The following AGBL1 variants were observed in gnomAD, a reference collection of about 807,000 sequenced individuals.
AGBL1 encodes the protein AGBL carboxypeptidase 1.
A neutral mutation model predicts 118.9 loss-of-function variants in AGBL1; 130 were observed. The ratio of observed to expected loss-of-function variants is 1.09; its 90% CI spans 0.95 to 1.26. AGBL1 has a LOEUF of 1.26. AGBL1 is among the 50% of genes most tolerant of loss of function. The probability of loss-of-function intolerance (pLI) is 0.00; values close to 1 mark genes in which losing one functional copy is unlikely to be tolerated. For synonymous variants in AGBL1, 555 were observed against 478.9 expected, an observed-to-expected ratio of 1.16 and a Z score of -2.08; for missense variants, 1,584 against 1,298.1, an observed-to-expected ratio of 1.22 and a Z score of -3.38.
intron 6 of AGBL1, among the ~76,000 whole-genome samples, chr15:86,231,111 A>G (rs1348894538): frequency 6.6e-6 from 1 of 152,206 alleles, no homozygotes; most frequent in Non-Finnish European, 1.5e-5. Flanking sequence ...TATTTCAGAG[A>G]ACTAACCATA....
rs139660790 is a variant in AGBL1, at chr15:86,234,926, G to A, written c.526+9975G>A. On this transcript the variant is annotated intron_variant, in intron 6 of 22. Transcript: ENST00000614907. ...AAATTTGTCTCCCAAGATCTTCCCC[G>A]AGGGTTGAATGATATCTGGTTGTTT... Among the ~76,000 whole-genome samples, 356 of 152,282 alleles carry A rather than the reference G, an allele frequency of 2.3e-3. 2 individuals are homozygous for A. The highest frequency in any genetic ancestry group is 8.3e-3 in the African/African-American group (346 of 41,564).
chr15:86,905,784 G>C (rs752203540), intron 22 of AGBL1, among the ~76,000 whole-genome samples: 1 of 152,108 alleles, frequency 6.6e-6, no homozygotes, highest in African/African-American at 2.4e-5. Flanking sequence ...AGGCTCCCAG[G>C]GTTCTCAATG....
chr15:86,520,733 C>G (rs1220632213), intron 18 of AGBL1, among the ~76,000 whole-genome samples: 4 of 152,116 alleles, frequency 2.6e-5, no homozygotes, highest in African/African-American at 9.7e-5. Flanking sequence ...AAAAACAAAT[C>G]CCCAGTGTTG....
intron 18 of AGBL1, among the ~76,000 whole-genome samples, chr15:86,463,758 G>A (rs1420550796): frequency 6.6e-5 from 10 of 152,076 alleles, no homozygotes; most frequent in African/African-American, 9.7e-5. Context: ...GTAGAAGTGC[G>A]GCATTTTTTC....
intron 17 of AGBL1, among the ~76,000 whole-genome samples, chr15:86,325,779 A>G (rs544450493): frequency 6.6e-6 from 1 of 152,156 alleles, no homozygotes; most frequent in Non-Finnish European, 1.5e-5. Context: ...ATAGGTTGCT[A>G]TTTTTCCAAC....
chr15:86,337,879 C>T (rs1204940316), intron 17 of AGBL1, among the ~76,000 whole-genome samples: 1 of 151,946 alleles, frequency 6.6e-6, no homozygotes, highest in Non-Finnish European at 1.5e-5. Context: ...AAAAAATGCA[C>T]TTAAAAATAA....
intron 21 of AGBL1, among the ~76,000 whole-genome samples, chr15:86,643,664 T>C (rs2085228209): frequency 6.6e-6 from 1 of 152,152 alleles, no homozygotes; most frequent in African/African-American, 2.4e-5. Context: ...TAGTTTGACA[T>C]TTTTTAAATA....
chr15:86,612,912 A>G (rs984430234), intron 21 of AGBL1, among the ~76,000 whole-genome samples: 1 of 152,162 alleles, frequency 6.6e-6, no homozygotes, highest in Non-Finnish European at 1.5e-5. Context: ...CTTTCGACCA[A>G]TTGACAATCA....
At chr15:86,959,270 G>A (rs998971018) in intron 23 of AGBL1, among the ~76,000 whole-genome samples, 8 of 151,988 alleles carry the variant, frequency 5.3e-5, no homozygotes, top group African/African-American at 9.7e-5. Context: ...TTGATTAAAG[G>A]TATTTTAATA....
At chr15:86,328,316 G>A (rs551143613) in intron 17 of AGBL1, among the ~76,000 whole-genome samples, 2 of 152,252 alleles carry the variant, frequency 1.3e-5, no homozygotes, top group South Asian at 4.1e-4. Flanking sequence ...GAGAAATGGA[G>A]AGAGAACGAT....
intron 22 of AGBL1, among the ~76,000 whole-genome samples, chr15:86,797,360 A>G (rs1372016178): frequency 2.0e-5 from 3 of 152,208 alleles, no homozygotes; most frequent in African/African-American, 4.8e-5. Context: ...CTGTGTCTTC[A>G]TGCTCTAAGA....
chr15:86,845,480 T>C (rs1233088795), intron 22 of AGBL1, among the ~76,000 whole-genome samples: 1 of 152,292 alleles, frequency 6.6e-6, no homozygotes, highest in East Asian at 1.9e-4. Flanking sequence ...ATCCTTTTTT[T>C]AATGCTTTGC....
At chr15:86,249,241 G>A (rs1294577725) in intron 7 of AGBL1, among the ~76,000 whole-genome samples, 1 of 152,064 alleles carries the variant, frequency 6.6e-6, no homozygotes, top group African/African-American at 2.4e-5. Flanking sequence ...CTCTGGATTA[G>A]GCCACCTCTG....
At chr15:86,989,542 TA>T (rs2081317887) in intron 24 of AGBL1, among the ~76,000 whole-genome samples, 1 of 152,208 alleles carries the variant, frequency 6.6e-6, no homozygotes, top group South Asian at 2.1e-4. Flanking sequence ...AAATATTTTC[TA>T]AAATGAGGCC....
chr15:86,771,163 AGACTAAGTTGTTAT>A (rs1402883946), intron 22 of AGBL1, among the ~76,000 whole-genome samples: 1 of 152,044 alleles, frequency 6.6e-6, no homozygotes, highest in Non-Finnish European at 1.5e-5. Flanking sequence ...ACTAGAGCAG[AGACTAAGTTGTTAT>A]GACATTAAGC....
intron 21 of AGBL1, chr15:86,630,199 T>G (rs942180978): frequency 2.0e-5 from 3 of 152,264 alleles, no homozygotes; most frequent in Non-Finnish European, 4.4e-5. Flanking sequence ...GTTTTGTGTC[T>G]ATCCCTCAGG....
intron 18 of AGBL1, among the ~76,000 whole-genome samples, chr15:86,473,411 A>T (rs1396899475): frequency 6.6e-6 from 1 of 152,240 alleles, no homozygotes; most frequent in African/African-American, 2.4e-5. Flanking sequence ...CAGTAAATAC[A>T]AATTAAAGTA....
At chr15:86,232,957 A>G (rs1272661122) in intron 6 of AGBL1, among the ~76,000 whole-genome samples, 1 of 152,170 alleles carries the variant, frequency 6.6e-6, no homozygotes, top group East Asian at 1.9e-4. Context: ...AATGACTATC[A>G]ATAATTACGG....
intron 21 of AGBL1, among the ~76,000 whole-genome samples, chr15:86,673,201 G>C (rs923261391): frequency 6.6e-6 from 1 of 152,144 alleles, no homozygotes; most frequent in Non-Finnish European, 1.5e-5. Flanking sequence ...AAGATAAATT[G>C]AGCTAATTTT....
Sources: gnomAD v4.1 joint callset for allele counts (sites outside exome capture counted in the v4.1 genomes callset) on GRCh38, gnomAD v4.1.1 for gene constraint, MANE v1.5 for transcripts, NCBI Gene and HGNC (gene_info 2026-07-23, HGNC 2026-07-21) for gene names.